Variants in CNTN5 observed in about 807,000 individuals in gnomAD.
CNTN5 encodes the protein contactin 5.
A neutral mutation model predicts 129.1 loss-of-function variants in CNTN5; 77 were observed. The observed-to-expected ratio is 0.60, with a 90% CI of 0.50 to 0.72. The LOEUF (loss-of-function observed/expected upper bound fraction) is 0.72. Ranked by LOEUF, CNTN5 falls within the 30% of genes least tolerant of loss-of-function variation. The probability of loss-of-function intolerance (pLI) is 0.00; values close to 1 mark genes in which losing one functional copy is unlikely to be tolerated. For missense variants in CNTN5, 1,478 were observed against 1,328.8 expected (o/e 1.11, Z -1.75); for synonymous variants, 509 against 465.6 (o/e 1.09, Z -1.20).
intron 1 of CNTN5, among the ~76,000 whole-genome samples, chr11:99,264,616 T>A (rs939789345): frequency 6.6e-6 from 1 of 152,092 alleles, no homozygotes; most frequent in Admixed American, 6.6e-5. Context: ...GCAACATAGT[T>A]TGAGAAAACC....
chr11:100,304,752 C>T (rs1262853902), intron 20 of CNTN5, among the ~76,000 whole-genome samples: 1 of 151,204 alleles, frequency 6.6e-6, no homozygotes, highest in Non-Finnish European at 1.5e-5. Flanking sequence ...GTATTCAAAT[C>T]CTCCCTCCAC....
At position 99,663,328 on chromosome 11, in the gene CNTN5, CG is replaced by C. The variant is rs1952664997; in HGVS notation, c.55+107060del. Among the ~76,000 whole-genome samples, 2 of 151,968 alleles carry C rather than the reference CG, an allele frequency of 1.3e-5. 1 individual carries two copies. The highest frequency in any genetic ancestry group is 1.3e-4 in the Admixed American group (2 of 15,256). ...ACTAAAAATACAAAAAATAGCTGAG[CG>C]TGTTCATGGGTGCCTATAATCCCAG... On this transcript the variant is annotated intron_variant, in intron 3 of 24. Transcript: ENST00000524871.
chr11:99,266,775 G>A (rs1862919811), intron 1 of CNTN5, among the ~76,000 whole-genome samples: 1 of 151,982 alleles, frequency 6.6e-6, no homozygotes, highest in African/African-American at 2.4e-5. Context: ...AGTATGGGGG[G>A]AGGTGCCCTG....
chr11:100,215,893 T>G (rs1949129628), intron 15 of CNTN5, among the ~76,000 whole-genome samples: 1 of 152,164 alleles, frequency 6.6e-6, no homozygotes, highest in Non-Finnish European at 1.5e-5. Context: ...GGAAGTAGAA[T>G]GAACAGGTGG....
chr11:100,155,511 T>C (rs2138331319), intron 13 of CNTN5, among the ~76,000 whole-genome samples: 1 of 152,274 alleles, frequency 6.6e-6, no homozygotes, highest in South Asian at 2.1e-4. Context: ...TGGGCTCTTT[T>C]TTTGTTCATA....
intron 13 of CNTN5, among the ~76,000 whole-genome samples, chr11:100,132,380 G>A (rs543511381): frequency 3.9e-4 from 59 of 152,206 alleles, no homozygotes; most frequent in Middle Eastern, 3.4e-3. Flanking sequence ...CTAAAAGCAC[G>A]ACATATGGTA....
chr11:99,153,034 T>G (rs565457731), intron 1 of CNTN5, among the ~76,000 whole-genome samples: 1 of 152,330 alleles, frequency 6.6e-6, no homozygotes, highest in South Asian at 2.1e-4. Flanking sequence ...TGGGGTTCCC[T>G]TTGGAGGTGA....
At chr11:100,002,856 T>A (rs1413015815) in intron 9 of CNTN5, among the ~76,000 whole-genome samples, 1 of 151,910 alleles carries the variant, frequency 6.6e-6, no homozygotes, top group Non-Finnish European at 1.5e-5. Context: ...TTTCTTTTTT[T>A]TTAGGATGCT....
At chr11:99,366,071 AAC>A (rs1939426976) in intron 2 of CNTN5, among the ~76,000 whole-genome samples, 1 of 152,196 alleles carries the variant, frequency 6.6e-6, no homozygotes, top group African/African-American at 2.4e-5. Context: ...CCTCATCACT[AAC>A]AGATCTTCCT....
intron 6 of CNTN5, among the ~76,000 whole-genome samples, chr11:99,876,664 TA>T (rs1948640641): frequency 6.6e-6 from 1 of 152,208 alleles, no homozygotes; most frequent in African/African-American, 2.4e-5. Flanking sequence ...TAACATAGTA[TA>T]AAAATTAGCA....
At chr11:99,717,029 G>A (rs1009154484) in intron 3 of CNTN5, among the ~76,000 whole-genome samples, 1 of 151,574 alleles carries the variant, frequency 6.6e-6, no homozygotes, top group Non-Finnish European at 1.5e-5. Flanking sequence ...ATTACAATTG[G>A]GCATTCAGTA....
chr11:99,075,342 A>G (rs1865517803), intron 1 of CNTN5, among the ~76,000 whole-genome samples: 1 of 152,216 alleles, frequency 6.6e-6, no homozygotes, highest in Admixed American at 6.5e-5. Context: ...TGCAAATACC[A>G]GAAAGAGGGA....
chr11:99,870,762 C>G (rs1418929994), intron 6 of CNTN5, among the ~76,000 whole-genome samples: 1 of 152,008 alleles, frequency 6.6e-6, no homozygotes, highest in Non-Finnish European at 1.5e-5. Flanking sequence ...TCATATTTCC[C>G]CTCTCCTTAA....
At chr11:99,194,575 C>T (rs932466258) in intron 1 of CNTN5, among the ~76,000 whole-genome samples, 1 of 152,036 alleles carries the variant, frequency 6.6e-6, no homozygotes, top group Non-Finnish European at 1.5e-5. Flanking sequence ...ACTTAGAAGT[C>T]TTCAACAATT....
At chr11:99,317,578 C>A (rs1257272118) in intron 1 of CNTN5, among the ~76,000 whole-genome samples, 1 of 151,972 alleles carries the variant, frequency 6.6e-6, no homozygotes, top group Non-Finnish European at 1.5e-5. Flanking sequence ...ATTCTTGGCA[C>A]ATAAGCGTAT....
chr11:99,442,328 C>A (rs568602998), intron 2 of CNTN5, among the ~76,000 whole-genome samples: 1 of 152,082 alleles, frequency 6.6e-6, no homozygotes, highest in Admixed American at 6.5e-5. Flanking sequence ...TGCCACCATG[C>A]CCAGCTAATT....
chr11:100,048,942 A>T (rs1942824508), intron 9 of CNTN5, among the ~76,000 whole-genome samples: 1 of 152,162 alleles, frequency 6.6e-6, no homozygotes, highest in African/African-American at 2.4e-5. Context: ...TAAATAGTTC[A>T]CTTGGAGTTA....
chr11:100,314,994 C>T (rs879648394), intron 21 of CNTN5, among the ~76,000 whole-genome samples: 1 of 152,128 alleles, frequency 6.6e-6, no homozygotes, highest in Non-Finnish European at 1.5e-5. Flanking sequence ...CAACTGAGTT[C>T]CTGACCTTAT....
At chr11:99,389,842 G>T (rs1224700293) in intron 2 of CNTN5, among the ~76,000 whole-genome samples, 3 of 152,112 alleles carry the variant, frequency 2.0e-5, no homozygotes, top group African/African-American at 7.2e-5. Flanking sequence ...ATTTCTTAAT[G>T]ATTTCTTAAT....
Sources: allele counts gnomAD v4.1 joint callset (sites outside exome capture counted in the v4.1 genomes callset), GRCh38; gene constraint gnomAD v4.1.1; transcripts MANE v1.5; gene names NCBI Gene and HGNC (gene_info 2026-07-23, HGNC 2026-07-21).